The following GNAL variants were observed in gnomAD, a reference collection of about 807,000 sequenced individuals.
GNAL encodes the protein G protein subunit alpha L.
GNAL carries 18 observed loss-of-function variants against 55.1 expected under a neutral mutation model. The observed-to-expected ratio is 0.33, with a 90% confidence interval of 0.23 to 0.48. GNAL has a LOEUF of 0.48. Ranked by LOEUF, GNAL falls within the 20% of genes least tolerant of loss-of-function variation. GNAL has a pLI of 0.99. For synonymous variants in GNAL, 253 were observed against 237.0 expected, an observed-to-expected ratio of 1.07 and a Z score of -0.62; for missense variants, 412 against 614.1, an observed-to-expected ratio of 0.67 and a Z score of 3.48.
intron 1 of GNAL, among the ~76,000 whole-genome samples, chr18:11,726,626 C>T (rs1015723015): frequency 2.6e-5 from 4 of 152,130 alleles, no homozygotes; most frequent in African/African-American, 7.2e-5. Context: ...CCTTCCTGGA[C>T]GGTGGGTCCT....
chr18:11,689,967 C>T, intron 1 of GNAL, 28 bp downstream of exon 1: 1 of 1,231,768 alleles, frequency 8.1e-7, no homozygotes, highest in Non-Finnish European at 1.0e-6. Flanking sequence ...GGTCGGCTGA[C>T]GCCCCGGGGA....
intron 5 of GNAL, among the ~76,000 whole-genome samples, chr18:11,860,945 A>T (rs898849760): frequency 3.3e-5 from 5 of 152,148 alleles, no homozygotes. Context: ...TGAAGGGCTC[A>T]TTGTGGGGTG....
intron 4 of GNAL, among the ~76,000 whole-genome samples, chr18:11,787,487 A>T (rs2034092085): frequency 6.6e-6 from 1 of 152,220 alleles, no homozygotes; most frequent in Non-Finnish European, 1.5e-5. Flanking sequence ...TAAGATACAG[A>T]TACAGAACAT....
intron 4 of GNAL, among the ~76,000 whole-genome samples, chr18:11,760,648 G>A (rs1369027115): frequency 5.3e-5 from 8 of 152,106 alleles, no homozygotes; most frequent in African/African-American, 1.7e-4. Flanking sequence ...TTTGGGCTTG[G>A]CGCTTCCCCT....
chr18:11,783,351 G>A (rs1460866736), intron 4 of GNAL, among the ~76,000 whole-genome samples: 1 of 152,154 alleles, frequency 6.6e-6, no homozygotes, highest in Non-Finnish European at 1.5e-5. Flanking sequence ...GTTGCTGTGA[G>A]GGTTAAACAA....
intron 4 of GNAL, among the ~76,000 whole-genome samples, chr18:11,774,452 G>A (rs1163738698): frequency 6.6e-6 from 1 of 152,188 alleles, no homozygotes; most frequent in Admixed American, 6.5e-5. Flanking sequence ...AGCCACCTAC[G>A]CCTTGGTTTT....
At chr18:11,763,371 C>T (rs1327498870) in intron 4 of GNAL, among the ~76,000 whole-genome samples, 1 of 152,196 alleles carries the variant, frequency 6.6e-6, no homozygotes, top group Non-Finnish European at 1.5e-5. Flanking sequence ...GTAACCACAG[C>T]ACAGGTATCA....
chr18:11,874,228 C>T (rs1238751981), intron 10 of GNAL: 1 of 152,214 alleles, frequency 6.6e-6, no homozygotes, highest in Non-Finnish European at 1.5e-5. Flanking sequence ...CCTGCCTCTC[C>T]CAAGAGACTC....
intron 1 of GNAL, among the ~76,000 whole-genome samples, chr18:11,708,914 G>A (rs895317464): frequency 2.0e-5 from 3 of 152,046 alleles, no homozygotes; most frequent in African/African-American, 4.8e-5. Context: ...CTATATTTTC[G>A]TTCAGTAGTT....
At chr18:11,805,164 CATGGAGAT>C (rs1568035348) in intron 4 of GNAL, among the ~76,000 whole-genome samples, 2 of 109,024 alleles carry the variant, frequency 1.8e-5, no homozygotes, top group African/African-American at 7.3e-5. Context: ...TTGAGTGGAA[CATGGAGAT>C]ACTGTGTAGT....
Position 11,808,025 on chromosome 18 carries a change from C to CT in GNAL, c.625-16877dup, listed in dbSNP as rs111276081. ...ACACTTCCTTGTCCAGCCCAGCCTTCTTTTTTTTTTTTTTTTAAAGACTTT... is the reference window on the plus strand; with the variant it reads ...ACACTTCCTTGTCCAGCCCAGCCTTCTTTTTTTTTTTTTTTTTAAAGACTTT... On this transcript the variant is annotated intron_variant, in intron 4 of 11. Transcript: ENST00000334049. Among the ~76,000 whole-genome samples, 685 of 144,290 alleles carry CT rather than the reference C, an allele frequency of 4.7e-3. 2 individuals are homozygous for CT. The highest frequency in any genetic ancestry group is 5.5e-3 in the Non-Finnish European group (359 of 65,534). The allele number at this position is 144,290 out of a possible 152,430, so 94.7% of individuals were successfully genotyped here. A position where few individuals can be genotyped will look rare whatever the true frequency, so the allele number is the denominator to read the frequency against.
chr18:11,752,294 G>A lies in GNAL; in HGVS notation c.377-559G>A, dbSNP rs946294590. The A allele has an allele frequency of 2.1e-6, 3 of 1,443,260 alleles. No individual in the cohort carries two copies. Among genetic ancestry groups the A allele is most frequent in the Non-Finnish European group, 2.7e-6 (3 of 1,101,480 alleles). The allele number at this position is 1,443,260 out of a possible 1,614,324, so 89.4% of individuals were successfully genotyped here. ...GGAGAAGAAACGCCTGCTCTGAATC[G>A]GAAAACACCGAAGAGACCAGACCAT... On this transcript the variant is annotated intron_variant, in intron 1 of 11. Transcript: ENST00000334049. The surrounding 1 kb of genome is among the most constrained non-coding windows in gnomAD (Gnocchi z 4.5).
At chr18:11,835,054 G>T (rs1013163982) in intron 5 of GNAL, among the ~76,000 whole-genome samples, 5 of 152,158 alleles carry the variant, frequency 3.3e-5, no homozygotes, top group Admixed American at 1.3e-4. Context: ...GAAAGAAGTT[G>T]AAAATATGTG....
At chr18:11,872,548 G>GAT (rs538324489) in intron 10 of GNAL, 150 bp downstream of exon 10, 10 of 575,016 alleles carry the variant, frequency 1.7e-5, no homozygotes, top group Non-Finnish European at 3.0e-5. Flanking sequence ...TAAAGTATTA[G>GAT]AGTGTTACAA....
chr18:11,778,757 A>T lies in GNAL; in HGVS notation c.624+24812A>T, dbSNP rs1396820004. On this transcript the variant is annotated intron_variant, in intron 4 of 11. Transcript: ENST00000334049. ...ATCAGTTCCCATCATGGATTGGGAGATACATTCCAGGAAGAATTTTATAGA... is the reference window on the plus strand; with the variant it reads ...ATCAGTTCCCATCATGGATTGGGAGTTACATTCCAGGAAGAATTTTATAGA... Among the ~76,000 whole-genome samples, 95 of 151,658 alleles carry T rather than the reference A, an allele frequency of 6.3e-4. 1 individual carries two copies. Among genetic ancestry groups the T allele is most frequent in the Admixed American group, 6.3e-3 (95 of 15,188 alleles).
intron 4 of GNAL, among the ~76,000 whole-genome samples, chr18:11,789,317 TC>T (rs2034164789): frequency 1.3e-5 from 2 of 152,202 alleles, no homozygotes; most frequent in South Asian, 4.1e-4. Context: ...GGTATTTAAA[TC>T]TGGGTAAGCA....
chr18:11,762,327 G>A lies in GNAL; in HGVS notation c.624+8382G>A, dbSNP rs146925243. ...TCTGCCAGCACTGTGGAGGGGAAGC[G>A]GGTGACATGGAAGAGGTCACGTGGA... On this transcript the variant is annotated intron_variant, in intron 4 of 11. Transcript: ENST00000334049. Among the ~76,000 whole-genome samples the A allele has an allele frequency of 1.4e-3, 207 of 152,252 alleles. No individual in the cohort carries two copies. The East Asian group carries it at 0.017, about 13-fold the overall frequency.
chr18:11,786,444 T>C (rs1598456705), intron 4 of GNAL, among the ~76,000 whole-genome samples: 1 of 112,340 alleles, frequency 8.9e-6, no homozygotes, highest in Admixed American at 9.3e-5. Context: ...TTCTTTTTTT[T>C]TTTTTTTTTT....
At chr18:11,732,249 G>A (rs144834065) in intron 1 of GNAL, among the ~76,000 whole-genome samples, 15 of 152,308 alleles carry the variant, frequency 9.8e-5, no homozygotes, top group East Asian at 9.6e-4. Flanking sequence ...TAAGAAAAAC[G>A]TAAACAGTTT....
Sources: gnomAD v4.1 joint callset for allele counts (sites outside exome capture counted in the v4.1 genomes callset) on GRCh38, gnomAD v4.1.1 for gene constraint, Gnocchi (gnomAD v3.1) non-coding constraint, MANE v1.5 for transcripts, NCBI Gene and HGNC (gene_info 2026-07-23, HGNC 2026-07-21) for gene names.